MIA2: variants seen among roughly 807,000 people sequenced by gnomAD.
The protein encoded by MIA2 is MIA SH3 domain ER export factor 2.
In MIA2, 127 loss-of-function variants were observed where a neutral mutation model predicts 167.8. That is an observed-to-expected ratio of 0.76 (90% CI 0.66 to 0.88). The LOEUF is 0.88. Among genes scored for constraint, MIA2 ranks in the 40% least tolerant of loss-of-function variants. MIA2 has a pLI of 0.00. For missense variants in MIA2, 1,690 were observed against 1,624.7 expected (o/e 1.04, Z -0.69); for synonymous variants, 552 against 541.9 (o/e 1.02, Z -0.26).
Position 39,302,120 on chromosome 14 carries a change from A to G in MIA2, c.2620-9A>G, listed in dbSNP as rs2062615327. The G allele has an allele frequency of 3.1e-6, 5 of 1,612,460 alleles. No homozygotes were observed. The highest frequency in any genetic ancestry group is 4.2e-6 in the Non-Finnish European group (5 of 1,179,074). On this transcript the variant is annotated splice_polypyrimidine_tract_variant and intron_variant, in intron 14 of 28. Coordinates refer to ENST00000640607, the MANE Select transcript of MIA2 (RefSeq NM_001329214.4). The stretch of plus-strand genomic sequence containing the variant: ...CCCTCTCTATTTTTCCCCTTTGTTC[A>G]ATGTCAAGACTCTGACTGAACGCTT...
intron 23 of MIA2, among the ~76,000 whole-genome samples, chr14:39,381,772 A>G (rs1055727982): frequency 6.6e-6 from 1 of 151,734 alleles, no homozygotes. Flanking sequence ...TGATCAAGTC[A>G]GGTAGAGTTG....
Position 39,315,667 on chromosome 14 carries a change from T to C in MIA2, c.3181-16T>C. 6 of 1,540,478 alleles carry C rather than the reference T, an allele frequency of 3.9e-6. No homozygotes were observed. The highest frequency in any genetic ancestry group is 5.3e-6 in the Non-Finnish European group (6 of 1,124,148). On this transcript the variant is annotated splice_polypyrimidine_tract_variant and intron_variant, in intron 20 of 28. Transcript: ENST00000640607. ...AAAATAATGGTCAGTAGCATTTTAA[T>C]TACTTTCTTTTTCAGATTATTTCCC...
intron 9 of MIA2, among the ~76,000 whole-genome samples, chr14:39,288,456 TATATATA>T (rs1298568743): frequency 0.016 from 229 of 14,338 alleles, 24 homozygotes; most frequent in Non-Finnish European, 0.032. Flanking sequence ...TATATATATA[TATATATA>T]TATATATATA....
At chr14:39,236,127 C>A (rs981452506) in intron 1 of MIA2, among the ~76,000 whole-genome samples, 14 of 152,236 alleles carry the variant, frequency 9.2e-5, no homozygotes, top group Admixed American at 8.5e-4. Context: ...AGATAAGTTT[C>A]TTCCCCTTCA....
At chr14:39,354,328 T>C (rs917082334), downstream of MIA2, among the ~76,000 whole-genome samples, 1 of 152,244 alleles carries the variant, frequency 6.6e-6, no homozygotes, top group Non-Finnish European at 1.5e-5. Flanking sequence ...ATGATGAGCA[T>C]TTTTTCATGT....
At chr14:39,272,814 A>G (rs907335057) in intron 6 of MIA2, among the ~76,000 whole-genome samples, 18 of 152,216 alleles carry the variant, frequency 1.2e-4, no homozygotes, top group Non-Finnish European at 5.9e-5. Flanking sequence ...ACATTTATTT[A>G]AGTCTTCCTT....
intron 23 of MIA2, among the ~76,000 whole-genome samples, chr14:39,375,601 G>C (rs1394819780): frequency 6.6e-6 from 1 of 152,166 alleles, no homozygotes; most frequent in Non-Finnish European, 1.5e-5. Context: ...GGAGGCCAAG[G>C]CAAGAGAATT....
downstream of MIA2, among the ~76,000 whole-genome samples, chr14:39,355,926 T>G (rs1260657374): frequency 6.6e-6 from 1 of 152,154 alleles, no homozygotes; most frequent in Non-Finnish European, 1.5e-5. Flanking sequence ...TGGATAAGCT[T>G]TTTGATGTGC....
intron 13 of MIA2, among the ~76,000 whole-genome samples, chr14:39,296,381 G>C (rs1052495774): frequency 2.7e-4 from 41 of 150,854 alleles, no homozygotes; most frequent in African/African-American, 1.0e-3. Flanking sequence ...TTCCAATATT[G>C]CTTTTAAGAA....
chr14:39,260,633 A>C (rs1361447990), intron 6 of MIA2, among the ~76,000 whole-genome samples: 1 of 152,176 alleles, frequency 6.6e-6, no homozygotes, highest in Non-Finnish European at 1.5e-5. Flanking sequence ...GTAGATTGCA[A>C]AAATTTTCTC....
chr14:39,386,856 A>G, intron 23 of MIA2: 1 of 865,022 alleles, frequency 1.2e-6, no homozygotes, highest in South Asian at 1.3e-5. Context: ...TTCTACTTTA[A>G]CTCTGAGGCG....
chr14:39,264,255 C>T lies in MIA2; in HGVS notation c.1887+11084C>T, dbSNP rs115143726. ...TAGGATAATGGCCTCCATCTGCATC[C>T]ACGTTGCTGCAAAGAATGTGACTTC... is the stretch of plus-strand genomic sequence containing the variant. On this transcript the variant is annotated intron_variant, in intron 6 of 28. Transcript: ENST00000640607. 4.2e-3 allele frequency among the ~76,000 whole-genome samples: 642 copies of T among 152,284 alleles called. 4 individuals are homozygous for T. Among genetic ancestry groups the T allele is most frequent in the African/African-American group, 0.015 (615 of 41,550 alleles).
intron 21 of MIA2, 93 bp downstream of exon 21, chr14:39,315,811 A>AG (rs2065305133): frequency 1.2e-6 from 1 of 832,124 alleles, no homozygotes. Context: ...AAATAAATAT[A>AG]GTATTCTAAA....
At chr14:39,284,265 T>G (rs549787005) in intron 9 of MIA2, among the ~76,000 whole-genome samples, 1 of 152,318 alleles carries the variant, frequency 6.6e-6, no homozygotes, top group South Asian at 2.1e-4. Context: ...TTTCATTCTT[T>G]TGCGTGTGAA....
chr14:39,380,312 T>C (rs2139358409), intron 23 of MIA2, among the ~76,000 whole-genome samples: 1 of 152,262 alleles, frequency 6.6e-6, no homozygotes, highest in East Asian at 1.9e-4. Flanking sequence ...CAAAAAATTT[T>C]GTATATTAAA....
intron 6 of MIA2, among the ~76,000 whole-genome samples, chr14:39,254,329 A>G (rs1316976325): frequency 6.6e-6 from 1 of 152,214 alleles, no homozygotes; most frequent in East Asian, 1.9e-4. Flanking sequence ...GAAGAAGTAC[A>G]GAGGGGTCAA....
intron 9 of MIA2, among the ~76,000 whole-genome samples, chr14:39,285,245 C>T (rs1246210425): frequency 4.6e-5 from 7 of 152,236 alleles, no homozygotes; most frequent in East Asian, 1.9e-4. Flanking sequence ...CATCCTGGCC[C>T]GTTCTCAATG....
chr14:39,269,855 T>G (rs1470851864), intron 6 of MIA2, among the ~76,000 whole-genome samples: 2 of 152,200 alleles, frequency 1.3e-5, no homozygotes, highest in Non-Finnish European at 2.9e-5. Flanking sequence ...AATATTCCGT[T>G]GTGTGACTAT....
At chr14:39,350,022 T>G in intron 28 of MIA2, 76 bp from the exon 29 acceptor site, 1 of 573,940 alleles carries the variant, frequency 1.7e-6, no homozygotes, top group Non-Finnish European at 3.2e-6. Flanking sequence ...ATGGAAGTTA[T>G]AAACTTAATG....
Sources: gnomAD v4.1 joint callset for allele counts (sites outside exome capture counted in the v4.1 genomes callset) on GRCh38, gnomAD v4.1.1 for gene constraint, MANE v1.5 for transcripts, NCBI Gene and HGNC (gene_info 2026-07-23, HGNC 2026-07-21) for gene names.